Variants in STX17 observed in about 807,000 individuals in gnomAD.
The protein encoded by STX17 is syntaxin-17.
In STX17, 29 loss-of-function variants were observed where a neutral mutation model predicts 35.9. That is an observed-to-expected ratio of 0.81 (90% confidence interval 0.60 to 1.10). The LOEUF is 1.10. STX17 is among the 50% of genes least tolerant of loss of function. The pLI, the probability that STX17 is intolerant of heterozygous loss-of-function variation, is 0.00. For missense variants in STX17, 312 were observed against 352.3 expected (o/e 0.89, Z 0.92); for synonymous variants, 92 against 118.3 (o/e 0.78, Z 1.44).
chr9:99,916,538 G>A (rs1010593219), intron 2 of STX17, among the ~76,000 whole-genome samples: 1 of 151,852 alleles, frequency 6.6e-6, no homozygotes, highest in South Asian at 2.1e-4. Flanking sequence ...ACTCAACTCA[G>A]TAGCATATAG....
chr9:99,965,602 A>G (rs1443729833), intron 6 of STX17, among the ~76,000 whole-genome samples: 1 of 152,172 alleles, frequency 6.6e-6, no homozygotes, highest in African/African-American at 2.4e-5. Flanking sequence ...AGAAATCTAG[A>G]CAAGTTGTAT....
chr9:99,954,525 A>G (rs932262312), intron 4 of STX17, among the ~76,000 whole-genome samples: 10 of 152,066 alleles, frequency 6.6e-5, no homozygotes, highest in African/African-American at 2.4e-4. Flanking sequence ...ATAGTGGGGT[A>G]GGAATTGAGT....
At chr9:99,915,005 G>T in intron 1 of STX17, 173 bp from the exon 2 acceptor site, 1 of 270,874 alleles carries the variant, frequency 3.7e-6, no homozygotes, top group Non-Finnish European at 6.8e-6. Flanking sequence ...TTTTTGTAAA[G>T]AGAAAAAGAT....
intron 1 of STX17, among the ~76,000 whole-genome samples, chr9:99,910,950 G>A (rs1032500937): frequency 1.3e-5 from 2 of 151,944 alleles, no homozygotes; most frequent in Non-Finnish European, 2.9e-5. Flanking sequence ...GGGCTCAAGT[G>A]ATCCTCCTAC....
At chr9:99,928,685 A>T in intron 2 of STX17, 93 bp from the exon 3 acceptor site, 1 of 1,006,214 alleles carries the variant, frequency 9.9e-7, no homozygotes, top group Non-Finnish European at 1.6e-6. Flanking sequence ...TAGTATGTTT[A>T]AGTTTGGGTG....
chr9:99,936,442 T>A (rs1829236100), intron 3 of STX17, among the ~76,000 whole-genome samples: 1 of 152,214 alleles, frequency 6.6e-6, no homozygotes, highest in African/African-American at 2.4e-5. Context: ...TGATTAATGA[T>A]GTTTCTGTTT....
intron 3 of STX17, chr9:99,937,767 C>T (rs1451035234): frequency 6.6e-6 from 1 of 151,946 alleles, no homozygotes; most frequent in Non-Finnish European, 1.5e-5. Context: ...TTTCTTGTTT[C>T]TTTGTGTCTA....
chr9:99,953,417 GAGA>G (rs1829645147), intron 4 of STX17, among the ~76,000 whole-genome samples: 1 of 152,070 alleles, frequency 6.6e-6, no homozygotes, highest in African/African-American at 2.4e-5. Flanking sequence ...ATGTTTTTGA[GAGA>G]AGGAGATGCT....
chr9:99,952,847 A>T (rs902223258), intron 4 of STX17, among the ~76,000 whole-genome samples: 22 of 136,504 alleles, frequency 1.6e-4, no homozygotes, highest in Admixed American at 7.3e-4. Context: ...ACATGGACAC[A>T]GGAAGGGGAA....
intron 6 of STX17, among the ~76,000 whole-genome samples, chr9:99,965,330 G>A (rs1467472724): frequency 6.6e-6 from 1 of 152,186 alleles, no homozygotes; most frequent in Non-Finnish European, 1.5e-5. Context: ...AGGAACATTA[G>A]AAAGTATTTC....
chr9:99,953,083 C>A (rs1013053178), intron 4 of STX17, among the ~76,000 whole-genome samples: 2 of 151,724 alleles, frequency 1.3e-5, no homozygotes, highest in African/African-American at 4.8e-5. Flanking sequence ...TACATCTGCC[C>A]ATTTTTTCTT....
At chr9:99,920,839 A>G (rs1828870913) in intron 2 of STX17, among the ~76,000 whole-genome samples, 1 of 152,228 alleles carries the variant, frequency 6.6e-6, no homozygotes, top group African/African-American at 2.4e-5. Flanking sequence ...TAATTTAGTT[A>G]TAAAATCATG....
At chr9:99,933,429 A>C (rs1315085210) in intron 3 of STX17, among the ~76,000 whole-genome samples, 1 of 152,140 alleles carries the variant, frequency 6.6e-6, no homozygotes, top group African/African-American at 2.4e-5. Flanking sequence ...CTCCATATGA[A>C]ATTCAGAATC....
chr9:99,939,411 CA>C (rs1829304342), intron 3 of STX17, among the ~76,000 whole-genome samples: 1 of 152,164 alleles, frequency 6.6e-6, no homozygotes, highest in Non-Finnish European at 1.5e-5. Flanking sequence ...ATAGGTTCTA[CA>C]GAATCTCAGG....
intron 2 of STX17, among the ~76,000 whole-genome samples, chr9:99,919,066 C>A (rs1828841072): frequency 6.6e-6 from 1 of 152,118 alleles, no homozygotes. Context: ...TGCTTGGTAT[C>A]CAGTGTCCTT....
At chr9:99,916,436 TTCATTC>T (rs1564057806) in intron 2 of STX17, among the ~76,000 whole-genome samples, 6 of 150,462 alleles carry the variant, frequency 4.0e-5, no homozygotes, top group African/African-American at 1.5e-4. Flanking sequence ...TATTTATTCA[TTCATTC>T]ATTCATTCAT....
intron 6 of STX17, among the ~76,000 whole-genome samples, chr9:99,960,452 T>C (rs1420585494): frequency 1.3e-5 from 2 of 151,820 alleles, no homozygotes; most frequent in Non-Finnish European, 1.5e-5. Flanking sequence ...TTTTTGTGTT[T>C]TTTTTTTTTG....
At chr9:99,927,284 C>G (rs887694501) in intron 2 of STX17, among the ~76,000 whole-genome samples, 4 of 152,144 alleles carry the variant, frequency 2.6e-5, no homozygotes, top group Admixed American at 2.6e-4. Flanking sequence ...GGTTTATTTT[C>G]AAACATGAAT....
chr9:99,919,455 G>T (rs1158876390), intron 2 of STX17, among the ~76,000 whole-genome samples: 1 of 152,094 alleles, frequency 6.6e-6, no homozygotes, highest in African/African-American at 2.4e-5. Flanking sequence ...TACCCCTTTT[G>T]CAGGCTTACA....
Sources: allele counts gnomAD v4.1 joint callset (sites outside exome capture counted in the v4.1 genomes callset), GRCh38; gene constraint gnomAD v4.1.1; transcripts MANE v1.5; gene names NCBI Gene and HGNC (gene_info 2026-07-23, HGNC 2026-07-21).